SASS6: variants seen among roughly 807,000 people sequenced by gnomAD.
SASS6 encodes the protein spindle assembly abnormal protein 6 homolog.
In SASS6, 59 loss-of-function variants were observed where a neutral mutation model predicts 94.9. That is an observed-to-expected ratio of 0.62 (90% CI 0.50 to 0.77). The LOEUF is 0.77. SASS6 is among the 30% of genes least tolerant of loss of function. The pLI is 0.00. For missense variants in SASS6, 698 were observed against 734.1 expected (o/e 0.95, Z 0.57); for synonymous variants, 264 against 270.0 (o/e 0.98, Z 0.22).
At chr1:100,124,271 T>G (rs144887330) in intron 2 of SASS6, among the ~76,000 whole-genome samples, 345 of 152,338 alleles carry the variant, frequency 2.3e-3, no homozygotes, top group African/African-American at 7.8e-3. Flanking sequence ...TCTATTTAAG[T>G]ACTTCCTGAA....
chr1:100,114,269 A>T (rs965107248), intron 7 of SASS6, among the ~76,000 whole-genome samples: 11 of 152,254 alleles, frequency 7.2e-5, no homozygotes, highest in Non-Finnish European at 1.3e-4. Flanking sequence ...AAATGTCCTT[A>T]TTCATCTCAT....
chr1:100,124,034 G>A (rs1654394923), intron 2 of SASS6, among the ~76,000 whole-genome samples: 1 of 152,104 alleles, frequency 6.6e-6, no homozygotes, highest in Non-Finnish European at 1.5e-5. Flanking sequence ...TAAAGAACTG[G>A]GCATTAAGGT....
intron 15 of SASS6, among the ~76,000 whole-genome samples, chr1:100,085,903 T>A (rs1046367176): frequency 1.3e-5 from 2 of 152,178 alleles, no homozygotes; most frequent in African/African-American, 2.4e-5. Context: ...TATAAAAATT[T>A]AAATACTAGC....
At chr1:100,110,158 T>C (rs1653210529) in intron 8 of SASS6, 134 bp downstream of exon 8, 2 of 441,028 alleles carry the variant, frequency 4.5e-6, no homozygotes, top group Admixed American at 4.3e-5. Flanking sequence ...CAATTTTCTT[T>C]GCATTGTCTG....
Position 100,120,462 on chromosome 1 carries a change from A to G in SASS6, c.484-3T>C. The G allele has an allele frequency of 1.5e-6, 2 of 1,294,664 alleles. No homozygotes were observed. Among genetic ancestry groups the G allele is most frequent in the Non-Finnish European group, 1.1e-6 (1 of 890,056 alleles). The allele number at this position is 1,294,664 out of a possible 1,614,324, so 80.2% of individuals were successfully genotyped here. A position where few individuals can be genotyped will look rare whatever the true frequency, so the allele number is the denominator to read the frequency against. Reference sequence around the variant, plus strand: ...TGCATCAATGATAATTTTTCTTCCTATTCATAAAAATAATAAAATTACACA... The same window carrying G: ...TGCATCAATGATAATTTTTCTTCCTGTTCATAAAAATAATAAAATTACACA... On this transcript the variant is annotated splice_polypyrimidine_tract_variant and splice_region_variant and intron_variant, in intron 5 of 16. Coordinates refer to ENST00000287482, the MANE Select transcript of SASS6 (RefSeq NM_194292.3).
At chr1:100,127,774 C>T (rs1654720780) in intron 1 of SASS6, among the ~76,000 whole-genome samples, 2 of 151,498 alleles carry the variant, frequency 1.3e-5, no homozygotes, top group African/African-American at 2.4e-5. Context: ...ATAGCTTGAG[C>T]CCAGGGGTTC....
intron 15 of SASS6, among the ~76,000 whole-genome samples, chr1:100,087,259 A>C (rs534414075): frequency 1.6e-4 from 25 of 152,366 alleles, no homozygotes; most frequent in African/African-American, 5.5e-4. Context: ...TTGGGATTAC[A>C]GGCATGAGCC....
At chr1:100,121,256 C>T (rs974821335) in intron 5 of SASS6, 122 bp downstream of exon 5, 133 of 589,614 alleles carry the variant, frequency 2.3e-4, no homozygotes, top group Admixed American at 4.4e-4. Context: ...AAAATAAATT[C>T]GTTATATTTC....
chr1:100,103,793 G>A (rs554598469), intron 13 of SASS6, among the ~76,000 whole-genome samples: 9 of 152,090 alleles, frequency 5.9e-5, no homozygotes, highest in South Asian at 2.1e-4. Flanking sequence ...TAGACATCCC[G>A]TACTCTGACT....
chr1:100,109,974 C>A (rs997452991), intron 8 of SASS6, among the ~76,000 whole-genome samples: 2 of 151,658 alleles, frequency 1.3e-5, no homozygotes, highest in Admixed American at 1.3e-4. Context: ...GGAAAAAAAA[C>A]CCCAGCCCTG....
rs562197250 is a variant in SASS6 at position 100,084,388 on chromosome 1, A to G, written c.*940T>C. 2.0e-5 allele frequency: 3 copies of G among 152,234 alleles called. No individual in the cohort carries two copies. The South Asian group carries it at 6.2e-4, about 32-fold the overall frequency. The allele number at this position is 152,234 out of a possible 1,614,324, so 9.4% of individuals were successfully genotyped here. A position where few individuals can be genotyped will look rare whatever the true frequency, so the allele number is the denominator to read the frequency against. On this transcript the variant is annotated 3_prime_UTR_variant, in exon 17 of 17. Coordinates refer to ENST00000287482, the MANE Select transcript of SASS6 (RefSeq NM_194292.3). ...TATGATTCTAGGTGAATTTTAAAAA[A>G]ATTTTTCCCCAAGGAACAATTCTTA...
At chr1:100,111,600 G>A (rs1314238723) in intron 7 of SASS6, among the ~76,000 whole-genome samples, 1 of 151,986 alleles carries the variant, frequency 6.6e-6, no homozygotes, top group East Asian at 1.9e-4. Context: ...CTTGATGCAA[G>A]TTCCAAAACT....
intron 14 of SASS6, among the ~76,000 whole-genome samples, chr1:100,091,741 C>T (rs1477987062): frequency 7.4e-5 from 11 of 148,324 alleles, no homozygotes; most frequent in Admixed American, 2.7e-4. Context: ...AACTTGAAGG[C>T]GGATCAATAG....
At chr1:100,116,526 AATAG>A (rs1359415776) in intron 7 of SASS6, among the ~76,000 whole-genome samples, 1 of 152,222 alleles carries the variant, frequency 6.6e-6, no homozygotes, top group African/African-American at 2.4e-5. Flanking sequence ...CCATTCCAAT[AATAG>A]ATAAATATCC....
chr1:100,110,451 T>C lies in SASS6; in HGVS notation c.702A>G (p.Gln234=), dbSNP rs1250899592. Reference sequence around the variant, plus strand: ...GGAGGATTTCTAAATCTTTTTTCTGTTGTTCATGCTGCTGTTGATATTGAA... The same window carrying C: ...GGAGGATTTCTAAATCTTTTTTCTGCTGTTCATGCTGCTGTTGATATTGAA... ...AQVQYQQQHE[Q]QKKDLEILHQ... is the part of the protein sequence containing the mutation. The change falls in exon 8 of 17, where the codon CAA becomes CAG. Residue 234 remains glutamine (Q), a synonymous_variant. Transcript: ENST00000287482. 3.1e-6 allele frequency: 5 copies of C among 1,609,690 alleles called. No individual in the cohort carries two copies. The highest frequency in any genetic ancestry group is 3.4e-5 in the Admixed American group (2 of 59,394).
intron 7 of SASS6, among the ~76,000 whole-genome samples, chr1:100,112,233 T>C (rs1299141805): frequency 6.6e-6 from 1 of 152,080 alleles, no homozygotes; most frequent in African/African-American, 2.4e-5. Context: ...CACAGTAGTT[T>C]TGGAAGAATA....
intron 7 of SASS6, among the ~76,000 whole-genome samples, chr1:100,112,495 G>GTGT (rs1557889127): frequency 3.3e-5 from 5 of 151,908 alleles, no homozygotes; most frequent in African/African-American, 1.2e-4. Context: ...GAGGTATAAA[G>GTGT]AAAACATGAG....
chr1:100,087,827 A>C (rs974113909), intron 15 of SASS6, among the ~76,000 whole-genome samples: 3 of 152,238 alleles, frequency 2.0e-5, no homozygotes, highest in African/African-American at 7.2e-5. Context: ...AATTTCTATG[A>C]ATATGTCTGA....
At chr1:100,110,960 G>A (rs1259868713) in intron 7 of SASS6, among the ~76,000 whole-genome samples, 1 of 151,870 alleles carries the variant, frequency 6.6e-6, no homozygotes, top group East Asian at 1.9e-4. Flanking sequence ...AAACGAGCAA[G>A]GTTGGTTCAT....
Sources: allele counts gnomAD v4.1 joint callset (sites outside exome capture counted in the v4.1 genomes callset), GRCh38; gene constraint gnomAD v4.1.1; transcripts MANE v1.5; gene names NCBI Gene and HGNC (gene_info 2026-07-23, HGNC 2026-07-21).